Variants in AUTS2 observed in about 807,000 individuals in gnomAD.
AUTS2 encodes activator of transcription and developmental regulator AUTS2, also known as autism susceptibility gene 2 protein.
Under a neutral mutation model 112.4 loss-of-function variants are expected in AUTS2, and 17 were observed. The ratio of observed to expected loss-of-function variants is 0.15; its 90% CI spans 0.10 to 0.23. The LOEUF is 0.23. Among genes scored for constraint, AUTS2 ranks in the 10% least tolerant of loss-of-function variants. AUTS2 has a pLI of 1.00. For missense variants in AUTS2, 1,510 were observed against 1,701.6 expected, an observed-to-expected ratio of 0.89 and a Z score of 1.98; for synonymous variants, 751 against 702.7, an observed-to-expected ratio of 1.07 and a Z score of -1.09.
chr7:69,731,858 G>A (rs1195041444), intron 1 of AUTS2, among the ~76,000 whole-genome samples: 3 of 152,160 alleles, frequency 2.0e-5, no homozygotes, highest in African/African-American at 4.8e-5. Context: ...TATTATGTGC[G>A]TAATCGTAGG....
At chr7:70,286,703 G>A (rs1788476218) in intron 4 of AUTS2, among the ~76,000 whole-genome samples, 1 of 152,168 alleles carries the variant, frequency 6.6e-6, no homozygotes, top group African/African-American at 2.4e-5. Flanking sequence ...TATAAGTGAA[G>A]AGTGGTAGAT....
At chr7:70,226,891 G>A (rs1472833362) in intron 4 of AUTS2, among the ~76,000 whole-genome samples, 1 of 152,176 alleles carries the variant, frequency 6.6e-6, no homozygotes, top group Non-Finnish European at 1.5e-5. Flanking sequence ...ATGAATTTGA[G>A]TTGTACCAAA....
intron 2 of AUTS2, among the ~76,000 whole-genome samples, chr7:69,984,815 A>G (rs1475444082): frequency 1.3e-5 from 2 of 151,952 alleles, no homozygotes; most frequent in Non-Finnish European, 2.9e-5. Flanking sequence ...CTCTGTAATC[A>G]TTTGTGGGCC....
At chr7:70,164,940 G>C (rs1808304468) in intron 4 of AUTS2, among the ~76,000 whole-genome samples, 1 of 151,996 alleles carries the variant, frequency 6.6e-6, no homozygotes, top group Admixed American at 6.6e-5. Flanking sequence ...AAATAACTAT[G>C]ATTACTGTAT....
intron 1 of AUTS2, among the ~76,000 whole-genome samples, chr7:69,743,469 G>A (rs991568150): frequency 1.3e-5 from 2 of 152,102 alleles, no homozygotes; most frequent in Non-Finnish European, 2.9e-5. Flanking sequence ...CATTGTCATG[G>A]GTTAGATGGG....
At chr7:70,703,247 A>G (rs1809555140) in intron 6 of AUTS2, among the ~76,000 whole-genome samples, 1 of 152,234 alleles carries the variant, frequency 6.6e-6, no homozygotes, top group South Asian at 2.1e-4. Context: ...TAATCCCAGA[A>G]CTTTTGGGAG....
At chr7:70,155,470 T>G (rs1807695591) in intron 4 of AUTS2, among the ~76,000 whole-genome samples, 1 of 151,876 alleles carries the variant, frequency 6.6e-6, no homozygotes, top group Admixed American at 6.6e-5. Context: ...GACTTTTTTT[T>G]TTTTTTCAGA....
At chr7:69,696,598 C>G (rs1024294282) in intron 1 of AUTS2, among the ~76,000 whole-genome samples, 3 of 152,112 alleles carry the variant, frequency 2.0e-5, no homozygotes, top group Non-Finnish European at 4.4e-5. Context: ...GCCACCATAG[C>G]CATGCACAGA....
At chr7:69,603,575 T>A (rs1229384971) in intron 1 of AUTS2, among the ~76,000 whole-genome samples, 1 of 152,190 alleles carries the variant, frequency 6.6e-6, no homozygotes, top group East Asian at 1.9e-4. Context: ...GGGACACTTC[T>A]CTTGAGTAAT....
At chr7:70,474,095 G>C (rs1394472317) in intron 5 of AUTS2, among the ~76,000 whole-genome samples, 6 of 152,142 alleles carry the variant, frequency 3.9e-5, no homozygotes, top group Admixed American at 2.0e-4. Flanking sequence ...TGGCTTCAGG[G>C]GATATTCCAA....
At chr7:70,626,699 T>C (rs1804970517) in intron 5 of AUTS2, among the ~76,000 whole-genome samples, 1 of 152,146 alleles carries the variant, frequency 6.6e-6, no homozygotes, top group African/African-American at 2.4e-5. Flanking sequence ...CAATGTCTAT[T>C]GTTGCCATTT....
intron 3 of AUTS2, among the ~76,000 whole-genome samples, chr7:70,121,634 A>G (rs562865356): frequency 6.6e-6 from 1 of 152,344 alleles, no homozygotes; most frequent in Admixed American, 6.5e-5. Flanking sequence ...TTATCATTTT[A>G]TACCTAGTAG....
intron 4 of AUTS2, among the ~76,000 whole-genome samples, chr7:70,175,618 C>A (rs1405807597): frequency 6.6e-6 from 1 of 152,136 alleles, no homozygotes; most frequent in Non-Finnish European, 1.5e-5. Context: ...CAGCAACCAC[C>A]AGTCTGATCA....
chr7:70,524,868 C>CATTTA (rs1310939980), intron 5 of AUTS2, among the ~76,000 whole-genome samples: 1 of 152,212 alleles, frequency 6.6e-6, no homozygotes, highest in Non-Finnish European at 1.5e-5. Context: ...TAGCCCAGTG[C>CATTTA]AGACGCCTCG....
chr7:70,078,517 G>T (rs148568671), intron 2 of AUTS2, among the ~76,000 whole-genome samples: 1 of 152,244 alleles, frequency 6.6e-6, no homozygotes, highest in African/African-American at 2.4e-5. Flanking sequence ...AAGTTTCTTT[G>T]TTCATCAAGG....
intron 4 of AUTS2, among the ~76,000 whole-genome samples, chr7:70,386,121 A>G (rs60311938): frequency 0.091 from 13,856 of 152,252 alleles, 992 homozygotes; most frequent in African/African-American, 0.2. Flanking sequence ...GATTAGAAGC[A>G]TACAATACTG....
At chr7:70,283,829 A>AT (rs1209808163) in intron 4 of AUTS2, among the ~76,000 whole-genome samples, 1 of 152,120 alleles carries the variant, frequency 6.6e-6, no homozygotes, top group Non-Finnish European at 1.5e-5. Flanking sequence ...AAGTCAGATC[A>AT]TTTTTTAAAA....
intron 5 of AUTS2, among the ~76,000 whole-genome samples, chr7:70,638,637 C>T (rs953904284): frequency 1.3e-5 from 2 of 152,134 alleles, no homozygotes; most frequent in Non-Finnish European, 2.9e-5. Context: ...TTTAGAAGCC[C>T]TTATTATTAT....
At chr7:70,290,283 T>TA (rs982361682) in intron 4 of AUTS2, 86 of 1,287,548 alleles carry the variant, frequency 6.7e-5, no homozygotes, top group South Asian at 8.3e-5. Flanking sequence ...ACCAATGATG[T>TA]AAAAAAAACA....
Sources: allele counts gnomAD v4.1 joint callset (sites outside exome capture counted in the v4.1 genomes callset), GRCh38; gene constraint gnomAD v4.1.1; transcripts MANE v1.5; gene names NCBI Gene and HGNC (gene_info 2026-07-23, HGNC 2026-07-21).